GPATCH2: variants seen among roughly 807,000 people sequenced by gnomAD.
GPATCH2 encodes G-patch domain containing 2.
GPATCH2 carries 51 observed loss-of-function variants against 58.0 expected under a neutral mutation model. That is an observed-to-expected ratio of 0.88 (90% CI 0.70 to 1.11). GPATCH2 has a LOEUF of 1.11. Among genes scored for constraint, GPATCH2 ranks in the 50% most tolerant of loss-of-function variants. The pLI, the probability that GPATCH2 is intolerant of heterozygous loss-of-function variation, is 0.00. For missense variants in GPATCH2, 625 were observed against 652.2 expected, an observed-to-expected ratio of 0.96 and a Z score of 0.45; for synonymous variants, 222 against 218.5, an observed-to-expected ratio of 1.02 and a Z score of -0.14.
At chr1:217,483,394 A>G (rs1661306396) in intron 8 of GPATCH2, among the ~76,000 whole-genome samples, 1 of 152,190 alleles carries the variant, frequency 6.6e-6, no homozygotes, top group Admixed American at 6.5e-5. Flanking sequence ...TATGTTGCCC[A>G]GGATGGCCTT....
intron 5 of GPATCH2, among the ~76,000 whole-genome samples, chr1:217,590,859 G>C (rs1654818202): frequency 6.6e-6 from 1 of 152,026 alleles, no homozygotes; most frequent in Non-Finnish European, 1.5e-5. Context: ...GAAACATTAA[G>C]CTCAAAGGGG....
chr1:217,553,164 TA>T (rs1171737572), intron 5 of GPATCH2, among the ~76,000 whole-genome samples: 6 of 152,006 alleles, frequency 3.9e-5, no homozygotes, highest in African/African-American at 7.2e-5. Context: ...AAAAAAGTAA[TA>T]AAAAAACTAA....
intron 5 of GPATCH2, among the ~76,000 whole-genome samples, chr1:217,577,860 G>A (rs1378206448): frequency 1.3e-5 from 2 of 152,036 alleles, no homozygotes; most frequent in African/African-American, 4.8e-5. Context: ...CGTTTCTCCT[G>A]CTTCAGCCAC....
intron 6 of GPATCH2, among the ~76,000 whole-genome samples, chr1:217,503,956 A>G (rs1662428132): frequency 6.6e-6 from 1 of 152,150 alleles, no homozygotes; most frequent in African/African-American, 2.4e-5. Flanking sequence ...ACAGGCTCAG[A>G]GAGATTAAGA....
chr1:217,563,263 T>A, intron 5 of GPATCH2, among the ~76,000 whole-genome samples: 1 of 152,150 alleles, frequency 6.6e-6, no homozygotes, highest in South Asian at 2.1e-4. Flanking sequence ...AGTAATGAAT[T>A]GCATCTAGTA....
At chr1:217,445,816 G>A (rs1275509833) in intron 9 of GPATCH2, among the ~76,000 whole-genome samples, 1 of 152,110 alleles carries the variant, frequency 6.6e-6, no homozygotes, top group South Asian at 2.1e-4. Flanking sequence ...GCTTTCTAAA[G>A]CGACTGAAAT....
At chr1:217,437,404 G>T (rs1308313416) in intron 9 of GPATCH2, among the ~76,000 whole-genome samples, 1 of 152,138 alleles carries the variant, frequency 6.6e-6, no homozygotes, top group African/African-American at 2.4e-5. Flanking sequence ...CTCTGGAAAG[G>T]GGGTTGAAGC....
intron 8 of GPATCH2, among the ~76,000 whole-genome samples, chr1:217,454,995 T>C (rs1659876528): frequency 6.6e-6 from 1 of 152,144 alleles, no homozygotes; most frequent in Non-Finnish European, 1.5e-5. Flanking sequence ...CTTTGGACAT[T>C]CATAGCAACC....
At chr1:217,616,913 C>T (rs1003598548) in intron 2 of GPATCH2, among the ~76,000 whole-genome samples, 4 of 152,164 alleles carry the variant, frequency 2.6e-5, no homozygotes, top group Middle Eastern at 3.2e-3. Flanking sequence ...AACCTCCCAT[C>T]GATTCTAACT....
intron 5 of GPATCH2, among the ~76,000 whole-genome samples, chr1:217,584,344 A>AAAAAAAAAAATATATATATATATAT (rs1463910405): frequency 2.0e-5 from 2 of 101,850 alleles, no homozygotes; most frequent in Admixed American, 1.4e-4. Flanking sequence ...AAAAAAAAAA[A>AAAAAAAAAAATATATATATATATAT]ATATATATAT....
intron 6 of GPATCH2, among the ~76,000 whole-genome samples, chr1:217,514,028 T>C (rs1662994630): frequency 6.6e-6 from 1 of 152,066 alleles, no homozygotes; most frequent in Admixed American, 6.5e-5. Flanking sequence ...TTTCACGATA[T>C]GTTGGCCAGG....
chr1:217,440,637 T>C (rs369250262), intron 9 of GPATCH2, among the ~76,000 whole-genome samples: 6 of 152,170 alleles, frequency 3.9e-5, no homozygotes, highest in Admixed American at 1.3e-4. Context: ...AAAATCTCCT[T>C]AAGCTGATAA....
At chr1:217,559,878 G>C (rs1364802400) in intron 5 of GPATCH2, among the ~76,000 whole-genome samples, 3 of 143,326 alleles carry the variant, frequency 2.1e-5, no homozygotes, top group South Asian at 2.1e-4. Context: ...CAGAGGGAGA[G>C]AGAGAGAGAG....
intron 5 of GPATCH2, among the ~76,000 whole-genome samples, chr1:217,522,260 T>C (rs1447987480): frequency 6.6e-6 from 1 of 152,224 alleles, no homozygotes; most frequent in African/African-American, 2.4e-5. Flanking sequence ...ATTTCTGGTA[T>C]ACACTACTAA....
At chr1:217,539,608 A>T (rs1164328167) in intron 5 of GPATCH2, among the ~76,000 whole-genome samples, 2 of 152,246 alleles carry the variant, frequency 1.3e-5, no homozygotes, top group Admixed American at 6.5e-5. Context: ...AAACACTTGA[A>T]TTTAAATTCA....
chr1:217,542,625 T>G (rs1664806187), intron 5 of GPATCH2, among the ~76,000 whole-genome samples: 1 of 152,294 alleles, frequency 6.6e-6, no homozygotes, highest in Admixed American at 6.5e-5. Context: ...ACCAAAGCCA[T>G]CCTTTAAGCC....
intron 5 of GPATCH2, among the ~76,000 whole-genome samples, chr1:217,585,382 G>A (rs1667290758): frequency 6.6e-6 from 1 of 152,086 alleles, no homozygotes; most frequent in Admixed American, 6.6e-5. Context: ...CAGCGCTTTG[G>A]GAGGCCGAGG....
intron 5 of GPATCH2, among the ~76,000 whole-genome samples, chr1:217,518,702 C>G (rs550312536): frequency 6.6e-6 from 1 of 152,312 alleles, no homozygotes; most frequent in South Asian, 2.1e-4. Flanking sequence ...AATGAAGTTT[C>G]TTTTCATGTC....
intron 6 of GPATCH2, among the ~76,000 whole-genome samples, chr1:217,512,129 C>T (rs1272294978): frequency 6.6e-6 from 1 of 152,046 alleles, no homozygotes; most frequent in African/African-American, 2.4e-5. Flanking sequence ...CAAGACTAGC[C>T]TGGGTAACAC....
Sources: allele counts gnomAD v4.1 joint callset (sites outside exome capture counted in the v4.1 genomes callset), GRCh38; gene constraint gnomAD v4.1.1; transcripts MANE v1.5; gene names NCBI Gene and HGNC (gene_info 2026-07-23, HGNC 2026-07-21).